The following IMMP2L variants were observed in gnomAD, a reference collection of about 807,000 sequenced individuals.
IMMP2L encodes the protein mitochondrial inner membrane protease subunit 2.
Under a neutral mutation model 19.3 loss-of-function variants are expected in IMMP2L, and 18 were observed. That is an observed-to-expected ratio of 0.93 (90% CI 0.64 to 1.38). The LOEUF (loss-of-function observed/expected upper bound fraction) is 1.38, where lower values mean the gene tolerates loss of function less well. IMMP2L is among the 40% of genes most tolerant of loss of function. The probability of loss-of-function intolerance (pLI) is 0.00; values close to 1 mark genes in which losing one functional copy is unlikely to be tolerated. For synonymous variants in IMMP2L, 76 were observed against 73.0 expected, an observed-to-expected ratio of 1.04 and a Z score of -0.21; for missense variants, 233 against 218.2, an observed-to-expected ratio of 1.07 and a Z score of -0.43.
At chr7:111,379,648 T>C (rs1221770470) in intron 3 of IMMP2L, among the ~76,000 whole-genome samples, 2 of 151,778 alleles carry the variant, frequency 1.3e-5, no homozygotes, top group African/African-American at 2.4e-5. Flanking sequence ...TTAATAATGA[T>C]ACATATCTGA....
chr7:111,493,290 C>T (rs1328526413), intron 2 of IMMP2L, among the ~76,000 whole-genome samples: 1 of 152,068 alleles, frequency 6.6e-6, no homozygotes, highest in African/African-American at 2.4e-5. Context: ...TAATCTAACA[C>T]TTATGAATAT....
intron 3 of IMMP2L, among the ~76,000 whole-genome samples, chr7:111,447,362 A>G (rs1455356916): frequency 4.1e-5 from 6 of 144,972 alleles, no homozygotes; most frequent in Admixed American, 6.8e-5. Flanking sequence ...GGATCTCTCG[A>G]CAGAAACCCT....
At chr7:111,084,633 G>C (rs1796159762) in intron 3 of IMMP2L, among the ~76,000 whole-genome samples, 3 of 152,164 alleles carry the variant, frequency 2.0e-5, no homozygotes, top group Admixed American at 2.0e-4. Context: ...ATACTTAAGA[G>C]GTAGATGAAC....
At chr7:110,666,462 G>A (rs1271787307) in intron 5 of IMMP2L, among the ~76,000 whole-genome samples, 2 of 151,994 alleles carry the variant, frequency 1.3e-5, no homozygotes, top group Non-Finnish European at 2.9e-5. Context: ...TTTTAGTAGA[G>A]ATGGGGTTTC....
intron 5 of IMMP2L, among the ~76,000 whole-genome samples, chr7:110,703,999 C>T (rs552231929): frequency 2.0e-5 from 3 of 152,112 alleles, no homozygotes; most frequent in African/African-American, 7.2e-5. Flanking sequence ...GAGCCTGCCA[C>T]CACACCCGGC....
At chr7:110,963,908 C>T (rs1478309075) in intron 3 of IMMP2L, among the ~76,000 whole-genome samples, 11 of 151,738 alleles carry the variant, frequency 7.2e-5, no homozygotes, top group East Asian at 3.9e-4. Context: ...TGTGTCCCCA[C>T]CCAAGTCTAA....
At chr7:111,049,725 A>C (rs948680697) in intron 3 of IMMP2L, among the ~76,000 whole-genome samples, 2 of 152,238 alleles carry the variant, frequency 1.3e-5, no homozygotes, top group Non-Finnish European at 2.9e-5. Context: ...CTTCCAAAAC[A>C]AATTCCAAAG....
intron 3 of IMMP2L, among the ~76,000 whole-genome samples, chr7:111,305,045 T>C (rs1055735430): frequency 1.3e-5 from 2 of 152,106 alleles, no homozygotes; most frequent in African/African-American, 4.8e-5. Flanking sequence ...GAAAACTCTT[T>C]GACAAGTGTA....
At chr7:111,108,660 G>T (rs918713156) in intron 3 of IMMP2L, among the ~76,000 whole-genome samples, 1 of 151,820 alleles carries the variant, frequency 6.6e-6, no homozygotes, top group African/African-American at 2.4e-5. Flanking sequence ...TCTAAAGTGG[G>T]TATTGTTACA....
chr7:110,766,581 TA>T (rs772192515), intron 5 of IMMP2L, among the ~76,000 whole-genome samples: 14,896 of 96,794 alleles, frequency 0.15, 1,396 homozygotes, highest in African/African-American at 0.36. Flanking sequence ...AGACTTCATT[TA>T]AAAAAAAAAA....
At chr7:110,894,401 T>G (rs1476002046) in intron 4 of IMMP2L, among the ~76,000 whole-genome samples, 1 of 152,222 alleles carries the variant, frequency 6.6e-6, no homozygotes, top group Non-Finnish European at 1.5e-5. Flanking sequence ...CAGCACTTGA[T>G]ATTATCATTC....
At chr7:110,699,388 G>A (rs1190537836) in intron 5 of IMMP2L, among the ~76,000 whole-genome samples, 1 of 152,168 alleles carries the variant, frequency 6.6e-6, no homozygotes, top group Non-Finnish European at 1.5e-5. Flanking sequence ...TTCTGAGATG[G>A]TCCCTGTGAT....
chr7:111,280,939 A>G (rs887005448), intron 3 of IMMP2L, among the ~76,000 whole-genome samples: 2 of 151,642 alleles, frequency 1.3e-5, no homozygotes, highest in Non-Finnish European at 1.5e-5. Context: ...GCGTGGTGGC[A>G]GGCGCCTGTA....
chr7:110,844,645 C>T (rs1239447677), intron 5 of IMMP2L, among the ~76,000 whole-genome samples: 2 of 102,308 alleles, frequency 2.0e-5, no homozygotes, highest in Admixed American at 1.0e-4. Flanking sequence ...TCTAGTCCTA[C>T]GCAGAAGACA....
At position 111,168,184 on chromosome 7, in the gene IMMP2L, A is replaced by C. The variant is rs1806042616; in HGVS notation, c.240-204619T>G. On this transcript the variant is annotated intron_variant, in intron 3 of 5. Transcript: ENST00000405709. ...AAATGGACTTAATTTTGAGTGTTAA[A>C]ATCACTTATAAATATGAATTTAACA... 2.0e-5 allele frequency among the ~76,000 whole-genome samples: 3 copies of C among 152,004 alleles called. No homozygotes were observed. In the South Asian group the frequency reaches 6.2e-4, roughly 31 times the overall value.
intron 5 of IMMP2L, among the ~76,000 whole-genome samples, chr7:110,792,371 T>C (rs1043465384): frequency 1.3e-5 from 2 of 149,536 alleles, no homozygotes; most frequent in Non-Finnish European, 2.9e-5. Flanking sequence ...TATTCAGTAC[T>C]AGTTTAGAAA....
chr7:111,063,872 C>A (rs923444137), intron 3 of IMMP2L, among the ~76,000 whole-genome samples: 2 of 152,186 alleles, frequency 1.3e-5, no homozygotes, highest in African/African-American at 4.8e-5. Context: ...TTGTCAAAGC[C>A]ATTCTACAAG....
intron 5 of IMMP2L, among the ~76,000 whole-genome samples, chr7:110,759,004 G>A (rs961035786): frequency 1.1e-4 from 17 of 152,070 alleles, no homozygotes; most frequent in Non-Finnish European, 2.2e-4. Flanking sequence ...CAGATGAAAG[G>A]TATTTAGTCT....
intron 4 of IMMP2L, among the ~76,000 whole-genome samples, chr7:110,932,127 C>A (rs1815560647): frequency 6.6e-6 from 1 of 152,060 alleles, no homozygotes; most frequent in Non-Finnish European, 1.5e-5. Context: ...GCCTTTATGT[C>A]CTATTTCTGG....
Sources: allele counts gnomAD v4.1 joint callset (sites outside exome capture counted in the v4.1 genomes callset), GRCh38; gene constraint gnomAD v4.1.1; transcripts MANE v1.5; gene names NCBI Gene and HGNC (gene_info 2026-07-23, HGNC 2026-07-21).